ARID1A: variants seen among roughly 807,000 people sequenced by gnomAD.
ARID1A encodes AT-rich interactive domain-containing protein 1A.
A neutral mutation model predicts 212.6 loss-of-function variants in ARID1A; 20 were observed. The ratio of observed to expected loss-of-function variants is 0.09; its 90% CI spans 0.07 to 0.14. The LOEUF (loss-of-function observed/expected upper bound fraction) is 0.14, where lower values mean the gene tolerates loss of function less well. Among genes scored for constraint, ARID1A ranks in the 10% least tolerant of loss-of-function variants. The pLI is 1.00. For missense variants in ARID1A, 2,587 were observed against 3,059.0 expected (o/e 0.85, Z 3.64); for synonymous variants, 1,376 against 1,222.1 (o/e 1.13, Z -2.63).
intron 2 of ARID1A, 89 bp downstream of exon 2, chr1:26,729,952 A>G: frequency 3.4e-6 from 5 of 1,464,698 alleles, no homozygotes; most frequent in Non-Finnish European, 4.7e-6. Context: ...CTTGGCTTCC[A>G]AGCCTCTTGA....
Position 26,696,209 on chromosome 1 carries a change from G to A in ARID1A, c.-195G>A. The A allele has an allele frequency of 3.9e-6, 3 of 762,756 alleles. No individual in the cohort carries two copies. The highest frequency in any genetic ancestry group is 5.1e-6 in the Non-Finnish European group (3 of 583,970). 47.2% of individuals were successfully genotyped at this position (762,756 alleles called of 1,614,324 possible). A position where few individuals can be genotyped will look rare whatever the true frequency, so the allele number is the denominator to read the frequency against. ...CGCCGCCGCCGCCTCCTCCTCCTCC[G>A]CCGCCGCCAGCCCGGAGCCTGAGCC... On this transcript the variant is annotated 5_prime_UTR_variant, in exon 1 of 20. Coordinates refer to ENST00000324856, the MANE Select transcript of ARID1A (RefSeq NM_006015.6).
At position 26,779,652 on chromosome 1, in the gene ARID1A, G is replaced by A. The variant is rs2081172376; in HGVS notation, c.5754G>A (p.Arg1918=). Residue 1918 remains arginine (R), a synonymous_variant, in exon 20 of 20, where the codon CGG becomes CGA. Transcript: ENST00000324856. ...CTATGGATGACATGTTGTCTACTCG[G>A]TCTAGCACCTTGACCGAGGATGGAG... The part of the protein sequence containing the change: ...TATMDDMLST[R]SSTLTEDGAK... 5.6e-6 allele frequency: 9 copies of A among 1,614,130 alleles called. No homozygotes were observed. In the East Asian group the frequency reaches 1.8e-4, roughly 32 times the overall value.
At chr1:26,745,282 A>G (rs561003988) in intron 4 of ARID1A, among the ~76,000 whole-genome samples, 1 of 152,294 alleles carries the variant, frequency 6.6e-6, no homozygotes, top group African/African-American at 2.4e-5. Context: ...AGAATCAGTA[A>G]ACTGGAATCA....
intron 4 of ARID1A, among the ~76,000 whole-genome samples, chr1:26,756,517 C>T (rs2080938066): frequency 6.6e-6 from 1 of 150,826 alleles, no homozygotes; most frequent in Admixed American, 6.6e-5. Context: ...GATTATACCA[C>T]TGCCCTCCAG....
chr1:26,727,002 G>GTACA (rs1189993193), intron 1 of ARID1A, among the ~76,000 whole-genome samples: 4 of 152,252 alleles, frequency 2.6e-5, no homozygotes, highest in Non-Finnish European at 5.9e-5. Flanking sequence ...AGCTGGGCAT[G>GTACA]TACAGTATGT....
At chr1:26,772,743 C>A (rs949437908) in intron 13 of ARID1A, 69 bp from the exon 14 acceptor site, 2 of 1,605,922 alleles carry the variant, frequency 1.2e-6, no homozygotes, top group East Asian at 4.5e-5. Flanking sequence ...CCAGTGACTC[C>A]TGCGTGTCCT....
Position 26,779,178 on chromosome 1 carries a change from G to T in ARID1A, c.5280G>T (p.Glu1760Asp), listed in dbSNP as rs758256306. 2 of 1,607,858 alleles carry T rather than the reference G, an allele frequency of 1.2e-6. No individual in the cohort carries two copies. Among genetic ancestry groups the T allele is most frequent in the Non-Finnish European group, 1.7e-6 (2 of 1,176,358 alleles). Residue 1760 changes from glutamate to aspartate, a missense_variant, in exon 20 of 20, where the codon GAG becomes GAT. This residue lies in a region of ARID1A where 890 missense variants were observed against 1,098.2 expected (regional missense o/e 0.81). Transcript: ENST00000324856. ...AGGTGTCTAGTCCAGCTCCCATGGAGGGTGGGGAAGAAGAAGAAGAACTTC... is the reference window on the plus strand; with the variant it reads ...AGGTGTCTAGTCCAGCTCCCATGGATGGTGGGGAAGAAGAAGAAGAACTTC... ...FSKVSSPAPMEGGEEEEELLG... is the reference protein window; with the variant it reads ...FSKVSSPAPMDGGEEEEELLG...
intron 1 of ARID1A, among the ~76,000 whole-genome samples, chr1:26,726,915 C>T (rs2080624759): frequency 6.6e-6 from 1 of 152,202 alleles, no homozygotes; most frequent in Non-Finnish European, 1.5e-5. Context: ...TGGGAAGTGG[C>T]TTCATTTTGA....
Position 26,779,300 on chromosome 1 carries a change from G to C in ARID1A, c.5402G>C (p.Ser1801Thr), listed in dbSNP as rs752644204. 1.9e-6 allele frequency: 3 copies of C among 1,614,238 alleles called. No individual in the cohort carries two copies. The change falls in exon 20 of 20, where the codon AGT (serine) becomes ACT (threonine). Residue 1801 changes from serine to threonine, a missense_variant. Ser to Thr is a moderately conservative substitution (Grantham distance 58). Around this residue, in one of 11 missense-constraint regions of ARID1A, gnomAD observed 890 missense variants for 1,098.2 expected, o/e 0.81. Coordinates refer to ENST00000324856, the MANE Select transcript of ARID1A (RefSeq NM_006015.6). ...AAGGACAAGCCAGCTTCAGAGAATAGTGAGGAGAAGCTGATCAGTAAGTTT... is the reference window on the plus strand; with the variant it reads ...AAGGACAAGCCAGCTTCAGAGAATACTGAGGAGAAGCTGATCAGTAAGTTT... ...SGKDKPASEN[S>T]EEKLISKFDK...
At chr1:26,718,370 G>A (rs1570563506) in intron 1 of ARID1A, among the ~76,000 whole-genome samples, 1 of 152,292 alleles carries the variant, frequency 6.6e-6, no homozygotes, top group East Asian at 1.9e-4. Context: ...TGAAGGCACT[G>A]CAGGGGCAGA....
chr1:26,729,507 T>G, intron 1 of ARID1A, 144 bp from the exon 2 acceptor site: 2 of 890,458 alleles, frequency 2.2e-6, no homozygotes, highest in Non-Finnish European at 3.5e-6. Context: ...GACTTAAAGG[T>G]TACTAGGTTG....
In ARID1A at chr1:26,697,224, T is replaced by TG; in HGVS notation, c.827dup (p.Gly277ArgfsTer123). ...TTCGCTCAGCAGCGCTTCGGGGCCA[T>TG]GGGGGGAGGCGGCCCCTCCGCGGCC... On this transcript the variant is annotated frameshift_variant, in exon 1 of 20. Transcript: ENST00000324856. LOFTEE classifies it high-confidence loss of function. 1 of 1,379,942 alleles carries TG rather than the reference T, an allele frequency of 7.2e-7. No homozygotes were observed. Among genetic ancestry groups the TG allele is most frequent in the Non-Finnish European group, 9.3e-7 (1 of 1,073,144 alleles). 85.5% of individuals were successfully genotyped at this position (1,379,942 alleles called of 1,614,324 possible).
At position 26,774,790 on chromosome 1, in the gene ARID1A, C is replaced by A. The variant is rs149095176; in HGVS notation, c.4563C>A (p.Pro1521=). The change falls in exon 18 of 20, where the codon CCC becomes CCA. Residue 1521 remains proline, a synonymous_variant. Transcript: ENST00000324856. The surrounding 1 kb of genome is among the most constrained non-coding windows in gnomAD (Gnocchi z 5.6). ...RQSTGSAPQG[P]AYHGVNRTDE... ...GCACGGGCTCTGCCCCCCAGGGCCCCGCCTATCATGGCGTGAACCGAACAG... is the reference window on the plus strand; with the variant it reads ...GCACGGGCTCTGCCCCCCAGGGCCCAGCCTATCATGGCGTGAACCGAACAG... 2 of 1,614,188 alleles carry A rather than the reference C, an allele frequency of 1.2e-6. No homozygotes were observed. Among genetic ancestry groups the A allele is most frequent in the East Asian group, 4.5e-5 (2 of 44,874 alleles).
chr1:26,770,851 A>G, intron 11 of ARID1A: 1 of 451,282 alleles, frequency 2.2e-6, no homozygotes. Context: ...CGGACTCTGA[A>G]TTCTGTTCCA....
intron 1 of ARID1A, among the ~76,000 whole-genome samples, chr1:26,699,641 C>T (rs1324058923): frequency 1.3e-5 from 2 of 152,170 alleles, no homozygotes; most frequent in African/African-American, 4.8e-5. Context: ...AAAGTTTTGT[C>T]TTAAAAGACA....
chr1:26,773,033 G>C (rs370054984), intron 14 of ARID1A, 46 bp downstream of exon 14: 29 of 1,576,020 alleles, frequency 1.8e-5, no homozygotes, highest in Non-Finnish European at 2.5e-5. Flanking sequence ...TAAAGACAGG[G>C]CCAGTGAAAT....
chr1:26,747,780 T>A (rs959738357), intron 4 of ARID1A, among the ~76,000 whole-genome samples: 1 of 151,720 alleles, frequency 6.6e-6, no homozygotes, highest in African/African-American at 2.4e-5. Context: ...AGCCCAGGAG[T>A]TTGAGGCTGC....
At chr1:26,708,562 G>A (rs559147843) in intron 1 of ARID1A, among the ~76,000 whole-genome samples, 181 of 152,014 alleles carry the variant, frequency 1.2e-3, no homozygotes, top group Non-Finnish European at 1.9e-3. Context: ...GGGATTACAG[G>A]TGCGAGCCAC....
chr1:26,719,591 G>A (rs1373273539), intron 1 of ARID1A, among the ~76,000 whole-genome samples: 1 of 151,876 alleles, frequency 6.6e-6, no homozygotes, highest in African/African-American at 2.4e-5. Context: ...AAGGGATGAA[G>A]TGACTTGCTT....
Sources: allele counts gnomAD v4.1 joint callset (sites outside exome capture counted in the v4.1 genomes callset), GRCh38; gene constraint gnomAD v4.1.1; regional missense constraint gnomAD v4.1.1; non-coding constraint Gnocchi (gnomAD v3.1); transcripts MANE v1.5; gene names NCBI Gene and HGNC (gene_info 2026-07-23, HGNC 2026-07-21).